CCDC150: variants seen among roughly 807,000 people sequenced by gnomAD.
CCDC150 encodes coiled-coil domain-containing protein 150.
A neutral mutation model predicts 156.5 loss-of-function variants in CCDC150; 151 were observed. That is an observed-to-expected ratio of 0.97 (90% CI 0.85 to 1.10). The LOEUF (loss-of-function observed/expected upper bound fraction) is 1.10. Ranked by LOEUF, CCDC150 falls within the 50% of genes least tolerant of loss-of-function variation. CCDC150 has a pLI of 0.00. For synonymous variants in CCDC150, 452 were observed against 429.4 expected (o/e 1.05, Z -0.65); for missense variants, 1,312 against 1,268.1 (o/e 1.03, Z -0.53).
At chr2:196,702,345 G>GTGTGTGTA (rs1483003597) in intron 15 of CCDC150, among the ~76,000 whole-genome samples, 1 of 102,286 alleles carries the variant, frequency 9.8e-6, no homozygotes, top group Non-Finnish European at 2.4e-5. Flanking sequence ...CTGAAGTGCT[G>GTGTGTGTA]TGTGTGTGTG....
At chr2:196,723,124 T>G (rs915460261) in intron 21 of CCDC150, among the ~76,000 whole-genome samples, 7 of 152,184 alleles carry the variant, frequency 4.6e-5, no homozygotes, top group South Asian at 2.1e-4. Flanking sequence ...CTTGCTGGGT[T>G]TCAGGTACAG....
chr2:196,697,726 TTATAAAG>T (rs1255851149), intron 14 of CCDC150, among the ~76,000 whole-genome samples: 1 of 152,220 alleles, frequency 6.6e-6, no homozygotes, highest in Non-Finnish European at 1.5e-5. Flanking sequence ...TACAATCTGC[TTATAAAG>T]TAGCTTTACC....
intron 13 of CCDC150, among the ~76,000 whole-genome samples, chr2:196,682,533 G>T (rs993108401): frequency 6.6e-6 from 1 of 151,950 alleles, no homozygotes; most frequent in African/African-American, 2.4e-5. Flanking sequence ...GGTTTACATT[G>T]AATCTGTAGA....
At chr2:196,712,590 A>C in intron 16 of CCDC150, 87 bp from the exon 17 acceptor site, 1 of 818,488 alleles carries the variant, frequency 1.2e-6, no homozygotes, top group Non-Finnish European at 2.1e-6. Flanking sequence ...TATGAGTAGA[A>C]GCAGTGAGAA....
At chr2:196,716,549 T>G (rs183194667) in intron 17 of CCDC150, among the ~76,000 whole-genome samples, 1 of 152,270 alleles carries the variant, frequency 6.6e-6, no homozygotes, top group Non-Finnish European at 1.5e-5. Flanking sequence ...TACAAACTCA[T>G]ATATTGTAAC....
chr2:196,672,320 AAG>A (rs1331033277), intron 8 of CCDC150, 23 bp from the exon 9 acceptor site: 1 of 1,312,040 alleles, frequency 7.6e-7, no homozygotes, highest in African/African-American at 1.5e-5. Context: ...ATATGTGAAA[AAG>A]AGAGTAATTT....
chr2:196,670,660 G>C (rs1694146869), intron 8 of CCDC150, among the ~76,000 whole-genome samples: 1 of 150,666 alleles, frequency 6.6e-6, no homozygotes, highest in African/African-American at 2.5e-5. Context: ...ATCCTTGAAT[G>C]TGTTCCTTTG....
chr2:196,649,872 A>G (rs1692772442), intron 2 of CCDC150, among the ~76,000 whole-genome samples: 1 of 152,184 alleles, frequency 6.6e-6, no homozygotes, highest in African/African-American at 2.4e-5. Context: ...TACTGAATTC[A>G]TTTATTGTAA....
chr2:196,648,962 A>G (rs1692712060), intron 2 of CCDC150, among the ~76,000 whole-genome samples: 1 of 152,038 alleles, frequency 6.6e-6, no homozygotes, highest in East Asian at 1.9e-4. Flanking sequence ...GCATGGGTTT[A>G]TTTCTGGGCT....
At chr2:196,709,168 A>G (rs1029308373) in intron 15 of CCDC150, among the ~76,000 whole-genome samples, 2 of 152,176 alleles carry the variant, frequency 1.3e-5, no homozygotes, top group Admixed American at 1.3e-4. Flanking sequence ...GTCATTTTAC[A>G]TAGTCCCATA....
chr2:196,708,584 G>A (rs1275620274), intron 15 of CCDC150, among the ~76,000 whole-genome samples: 1 of 152,166 alleles, frequency 6.6e-6, no homozygotes, highest in Non-Finnish European at 1.5e-5. Context: ...ATTAGTTGAT[G>A]CAGTTTCTTC....
At chr2:196,709,676 A>G (rs1696950128) in intron 15 of CCDC150, among the ~76,000 whole-genome samples, 1 of 152,186 alleles carries the variant, frequency 6.6e-6, no homozygotes, top group Non-Finnish European at 1.5e-5. Context: ...TTGGTGACCT[A>G]CAGATGGAGT....
Position 196,669,970 on chromosome 2 carries a change from C to G in CCDC150, c.936+94C>G. ...ATGTTGGCTTACAGTGCTTCTTACT[C>G]TCATCAAAGTTTTATTTAAAAAGTT... On this transcript the variant is annotated intron_variant, in intron 8 of 27. Coordinates refer to ENST00000389175, the MANE Select transcript of CCDC150 (RefSeq NM_001080539.2). The G allele has an allele frequency of 4.0e-6, 3 of 754,812 alleles. No homozygotes were observed. The South Asian group carries it at 7.0e-5, about 18-fold the overall frequency. The allele number at this position is 754,812 out of a possible 1,614,324, so 46.8% of individuals were successfully genotyped here.
At chr2:196,708,073 G>T (rs112943637) in intron 15 of CCDC150, among the ~76,000 whole-genome samples, 6 of 152,280 alleles carry the variant, frequency 3.9e-5, no homozygotes, top group African/African-American at 1.2e-4. Flanking sequence ...TTAACCTTCT[G>T]TCTCATTGAT....
chr2:196,691,376 A>G (rs535495280), intron 13 of CCDC150, among the ~76,000 whole-genome samples: 70 of 152,272 alleles, frequency 4.6e-4, no homozygotes, highest in African/African-American at 1.5e-3. Flanking sequence ...TACTGCCTCA[A>G]TTTCTGAACT....
chr2:196,680,359 C>A (rs7589688), intron 13 of CCDC150, among the ~76,000 whole-genome samples: 1 of 152,096 alleles, frequency 6.6e-6, no homozygotes, highest in East Asian at 1.9e-4. Context: ...GGCGGTGACA[C>A]AATCACAGCT....
intron 22 of CCDC150, 27 bp from the exon 23 acceptor site, chr2:196,729,166 T>C (rs1698390656): frequency 1.3e-6 from 2 of 1,566,978 alleles, no homozygotes; most frequent in Non-Finnish European, 8.6e-7. Context: ...AGTAAAAATG[T>C]TTCAATTTTC....
At position 196,732,599 on chromosome 2, in the gene CCDC150, A is replaced by G. The variant is rs995524239; in HGVS notation, c.*37A>G. On this transcript the variant is annotated 3_prime_UTR_variant, in exon 28 of 28. Coordinates refer to ENST00000389175, the MANE Select transcript of CCDC150 (RefSeq NM_001080539.2). ...AGGGAGCTTCTTTATGTGTAGCTAC[A>G]CTCCATGATTCCAAGAGCCCAGCAG... 7.3e-7 allele frequency: 1 copy of G among 1,363,726 alleles called. No homozygotes were observed. Among genetic ancestry groups the G allele is most frequent in the Non-Finnish European group, 1.0e-6 (1 of 953,336 alleles). 84.5% of individuals were successfully genotyped at this position (1,363,726 alleles called of 1,614,324 possible).
Position 196,656,656 on chromosome 2 carries a change from G to T in CCDC150, c.200G>T (p.Cys67Phe). 1.2e-6 allele frequency: 2 copies of T among 1,611,220 alleles called. No individual in the cohort carries two copies. Among genetic ancestry groups the T allele is most frequent in the Non-Finnish European group, 1.7e-6 (2 of 1,178,402 alleles). Reference protein sequence around the residue: ...EKRGYLEAPDCLEDLDSQKVI... With the variant: ...EKRGYLEAPDFLEDLDSQKVI... The stretch of plus-strand genomic sequence containing the variant: ...AGAGGCTATTTGGAAGCTCCAGACT[G>T]TTTAGAAGACCTGGACAGCCAGAAA... The change falls in exon 3 of 28, where the codon TGT (cysteine) becomes TTT (phenylalanine). Residue 67 changes from cysteine to phenylalanine, a missense_variant. Coordinates refer to ENST00000389175, the MANE Select transcript of CCDC150 (RefSeq NM_001080539.2).
Sources: allele counts gnomAD v4.1 joint callset (sites outside exome capture counted in the v4.1 genomes callset), GRCh38; gene constraint gnomAD v4.1.1; transcripts MANE v1.5; gene names NCBI Gene and HGNC (gene_info 2026-07-23, HGNC 2026-07-21).